FAM83G: variants seen among roughly 807,000 people sequenced by gnomAD.
FAM83G encodes protein FAM83G.
Under a neutral mutation model 61.5 loss-of-function variants are expected in FAM83G, and 38 were observed. The ratio of observed to expected loss-of-function variants is 0.62; its 90% CI spans 0.48 to 0.81. The LOEUF is 0.81. FAM83G is among the 30% of genes least tolerant of loss of function. FAM83G has a pLI of 0.00. For missense variants in FAM83G, 989 were observed against 1,133.6 expected (o/e 0.87, Z 1.83); for synonymous variants, 470 against 476.1 (o/e 0.99, Z 0.17).
Position 19,000,575 on chromosome 17 carries a change from G to A in FAM83G, c.522+2945C>T, listed in dbSNP as rs2043705674. On this transcript the variant is annotated intron_variant, in intron 2 of 5. Transcript: ENST00000388995. This position sits in a 1 kb window ranked among gnomAD's most constrained non-coding sequence, Gnocchi z 5.2. ...GCGTCACTTCCCTGCCCCAGGGTCT[G>A]CCTGTTGTGCTGACGACAGGTAAGG... Among the ~76,000 whole-genome samples the A allele has an allele frequency of 6.6e-6, 1 of 152,202 alleles. No individual in the cohort carries two copies. The highest frequency in any genetic ancestry group is 1.5e-5 in the Non-Finnish European group (1 of 68,034).
chr17:18,969,066 G>A lies in FAM83G; in HGVS notation c.*2293C>T, dbSNP rs564052153. On this transcript the variant is annotated 3_prime_UTR_variant, in exon 6 of 6. Transcript: ENST00000388995. ...TCCCTCCGCAGCTGGACCTGTACGC[G>A]GGGGCTCTGTTTGTGCACATCTGCC... 1.1e-4 allele frequency: 178 copies of A among 1,613,630 alleles called. No individual in the cohort carries two copies. Among genetic ancestry groups the A allele is most frequent in the South Asian group, 4.2e-4 (38 of 91,032 alleles).
At chr17:18,991,418 G>A (rs116649372) in intron 2 of FAM83G, among the ~76,000 whole-genome samples, 1 of 152,314 alleles carries the variant, frequency 6.6e-6, no homozygotes, top group African/African-American at 2.4e-5. Context: ...GTCAGAGCTG[G>A]CCCAAGTCAA....
chr17:18,985,682 A>C (rs983035909), intron 3 of FAM83G, among the ~76,000 whole-genome samples: 25 of 152,212 alleles, frequency 1.6e-4, no homozygotes, highest in Non-Finnish European at 3.7e-4. Context: ...GCAAGCTCAG[A>C]GGCGAGAATG....
At position 19,003,766 on chromosome 17, in the gene FAM83G, G is replaced by A. The variant is rs1291937886; in HGVS notation, c.276C>T (p.Asp92=). Residue 92 remains aspartate (D), a synonymous_variant, in exon 2 of 6, where the codon GAC becomes GAT. Transcript: ENST00000388995. This position sits in a 1 kb window ranked among gnomAD's most constrained non-coding sequence, Gnocchi z 4.5. Reference sequence around the variant, plus strand: ...CTTCCTCGCCGTCGCCGACCCCATTGTCCTCGGGCCCCTGAGAGGGGCCCG... The same window carrying A: ...CTTCCTCGCCGTCGCCGACCCCATTATCCTCGGGCCCCTGAGAGGGGCCCG... ...RGTGPSQGPE[D]NGVGDGEEAS... is the part of the protein sequence containing the mutation. The A allele has an allele frequency of 2.5e-6, 4 of 1,609,532 alleles. No individual in the cohort carries two copies. The highest frequency in any genetic ancestry group is 1.7e-5 in the Admixed American group (1 of 59,384).
chr17:18,983,244 G>A (rs571873148), intron 3 of FAM83G, among the ~76,000 whole-genome samples: 65 of 152,322 alleles, frequency 4.3e-4, no homozygotes, highest in Admixed American at 2.1e-3. Context: ...GCCAAACACC[G>A]TCTCCTTTAA....
At position 18,996,138 on chromosome 17, in the gene FAM83G, A is replaced by AAG. The variant is rs1333945927; in HGVS notation, c.522+7381_522+7382insCT. ...CAATATCTTTAAAGTACTAAATGGA[A>AAG]AAAAAAAAAAATCAACTTAGAATTT... On this transcript the variant is annotated intron_variant, in intron 2 of 5. Coordinates refer to ENST00000388995, the MANE Select transcript of FAM83G (RefSeq NM_001039999.3). The surrounding 1 kb of genome is among the most constrained non-coding windows in gnomAD (Gnocchi z 4.4). Among the ~76,000 whole-genome samples, 1 of 146,920 alleles carries AAG rather than the reference A, an allele frequency of 6.8e-6. No homozygotes were observed. The highest frequency in any genetic ancestry group is 1.5e-5 in the Non-Finnish European group (1 of 67,114).
chr17:18,988,649 C>A, intron 2 of FAM83G, among the ~76,000 whole-genome samples: 1 of 152,260 alleles, frequency 6.6e-6, no homozygotes, highest in Non-Finnish European at 1.5e-5. Flanking sequence ...TGTGTTGGTG[C>A]ATTCCCAGGC....
intron 2 of FAM83G, among the ~76,000 whole-genome samples, chr17:18,991,788 G>A (rs1382260186): frequency 6.6e-6 from 1 of 152,234 alleles, no homozygotes; most frequent in Non-Finnish European, 1.5e-5. Context: ...AAGTGAAGGA[G>A]GGAGCCCAGT....
Position 19,000,306 on chromosome 17 carries a change from G to A in FAM83G, c.522+3214C>T, listed in dbSNP as rs2043697652. On this transcript the variant is annotated intron_variant, in intron 2 of 5. Coordinates refer to ENST00000388995, the MANE Select transcript of FAM83G (RefSeq NM_001039999.3). The surrounding 1 kb of genome is among the most constrained non-coding windows in gnomAD (Gnocchi z 5.2). ...TGTCCCAGGGGAGTCTAGGATCACAGGGCAGCAAGGTGTCAGGGCTGAAGG... is the reference window on the plus strand; with the variant it reads ...TGTCCCAGGGGAGTCTAGGATCACAAGGCAGCAAGGTGTCAGGGCTGAAGG... 6.6e-6 allele frequency among the ~76,000 whole-genome samples: 1 copy of A among 152,202 alleles called. No individual in the cohort carries two copies. Among genetic ancestry groups the A allele is most frequent in the East Asian group, 1.9e-4 (1 of 5,198 alleles).
Position 18,971,149 on chromosome 17 carries a change from G to C in FAM83G, c.*210C>G. On this transcript the variant is annotated 3_prime_UTR_variant, in exon 6 of 6. Transcript: ENST00000388995. The surrounding 1 kb of genome is among the most constrained non-coding windows in gnomAD (Gnocchi z 5.5). ...ACATGTTTCGAGACCCCCACACAGG[G>C]GACCTGCCGTGGACCGGGATGACCT... 2.5e-6 allele frequency: 4 copies of C among 1,614,064 alleles called. No homozygotes were observed. Among genetic ancestry groups the C allele is most frequent in the Non-Finnish European group, 2.5e-6 (3 of 1,180,042 alleles).
At chr17:18,991,414 G>A (rs948530116) in intron 2 of FAM83G, among the ~76,000 whole-genome samples, 2 of 152,218 alleles carry the variant, frequency 1.3e-5, no homozygotes, top group African/African-American at 4.8e-5. Context: ...CATTGTCAGA[G>A]CTGGCCCAAG....
At chr17:18,985,542 G>A (rs1365633439) in intron 3 of FAM83G, among the ~76,000 whole-genome samples, 1 of 152,144 alleles carries the variant, frequency 6.6e-6, no homozygotes, top group Non-Finnish European at 1.5e-5. Flanking sequence ...AGTGCTCCCG[G>A]GACAGGTCTG....
upstream of FAM83G, among the ~76,000 whole-genome samples, chr17:19,005,842 C>T (rs539854223): frequency 1.3e-5 from 2 of 152,330 alleles, no homozygotes; most frequent in African/African-American, 2.4e-5. Flanking sequence ...CATAGTGGCC[C>T]CTGGGGAACA....
intron 5 of FAM83G, chr17:18,976,915 T>C: frequency 6.2e-7 from 1 of 1,613,682 alleles, no homozygotes; most frequent in Non-Finnish European, 8.5e-7. Flanking sequence ...GGCTCCATCC[T>C]GGCCAGCTAC....
intron 2 of FAM83G, among the ~76,000 whole-genome samples, chr17:18,998,911 C>T (rs2043642430): frequency 6.6e-6 from 1 of 152,218 alleles, no homozygotes; most frequent in African/African-American, 2.4e-5. Flanking sequence ...CCACAGAGCT[C>T]ACCCTGTTCT....
intron 2 of FAM83G, among the ~76,000 whole-genome samples, chr17:18,990,207 C>T (rs958607651): frequency 1.3e-5 from 2 of 152,160 alleles, no homozygotes; most frequent in African/African-American, 2.4e-5. Context: ...GGAGCTCACT[C>T]CCTGACCTAG....
chr17:18,994,209 A>G (rs1282946981), intron 2 of FAM83G, among the ~76,000 whole-genome samples: 1 of 152,160 alleles, frequency 6.6e-6, no homozygotes, highest in Non-Finnish European at 1.5e-5. Context: ...AGCAATAAAA[A>G]ACCCGGATAA....
At chr17:18,980,377 A>T (rs1481749400) in intron 3 of FAM83G, among the ~76,000 whole-genome samples, 1 of 152,118 alleles carries the variant, frequency 6.6e-6, no homozygotes, top group Non-Finnish European at 1.5e-5. Context: ...GCAGGCCAGG[A>T]AGGCCCTCAG....
Position 18,971,373 on chromosome 17 carries a change from G to A in FAM83G, c.2458C>T (p.Arg820Cys), listed in dbSNP as rs1175946051. 42 of 1,483,390 alleles carry A rather than the reference G, an allele frequency of 2.8e-5. No homozygotes were observed. The highest frequency in any genetic ancestry group is 3.3e-5 in the Non-Finnish European group (37 of 1,123,738). 91.9% of individuals were successfully genotyped at this position (1,483,390 alleles called of 1,614,324 possible). ...GGGACATGCTGCTAGGGGTCTTTGCGGTCCCGGGGGGCTTGAGCCCTCCGT... is the reference window on the plus strand; with the variant it reads ...GGGACATGCTGCTAGGGGTCTTTGCAGTCCCGGGGGGCTTGAGCCCTCCGT... ...SKRRAQAPRD[R>C]KDP Residue 820 changes from arginine (R) to cysteine (C), a missense_variant, in exon 6 of 6, where the codon CGC (arginine) becomes TGC (cysteine). Coordinates refer to ENST00000388995, the MANE Select transcript of FAM83G (RefSeq NM_001039999.3). The surrounding 1 kb of genome is among the most constrained non-coding windows in gnomAD (Gnocchi z 5.5).
Sources: allele counts gnomAD v4.1 joint callset (sites outside exome capture counted in the v4.1 genomes callset), GRCh38; gene constraint gnomAD v4.1.1; non-coding constraint Gnocchi (gnomAD v3.1); transcripts MANE v1.5; gene names NCBI Gene and HGNC (gene_info 2026-07-23, HGNC 2026-07-21).